The following LATS1 variants were observed in gnomAD, a reference collection of about 807,000 sequenced individuals.
LATS1 encodes the protein serine/threonine-protein kinase LATS1.
Under a neutral mutation model 106.6 loss-of-function variants are expected in LATS1, and 25 were observed. That is an observed-to-expected ratio of 0.23 (90% CI 0.17 to 0.33). The LOEUF (loss-of-function observed/expected upper bound fraction) is 0.33. Among genes scored for constraint, LATS1 ranks in the 10% least tolerant of loss-of-function variants. The probability of loss-of-function intolerance (pLI) is 1.00; values close to 1 mark genes in which losing one functional copy is unlikely to be tolerated. For missense variants in LATS1, 1,040 were observed against 1,382.6 expected (o/e 0.75, Z 3.93); for synonymous variants, 465 against 455.6 (o/e 1.02, Z -0.26).
chr6:149,701,818 T>C lies in LATS1; in HGVS notation c.309A>G (p.Pro103=). The change falls in exon 2 of 8, where the codon CCA becomes CCG. Residue 103 remains proline (P), a synonymous_variant. Transcript: ENST00000543571. The part of the protein sequence containing the change: ...NSSRSTSEVN[P]QMLQDLQAAG... ...CAGCTTGCAAGTCTTGAAGCATTTG[T>C]GGATTAACTTCTGAAGTACTCCGAG... The C allele has an allele frequency of 6.2e-7, 1 of 1,613,970 alleles. No homozygotes were observed. Among genetic ancestry groups the C allele is most frequent in the Non-Finnish European group, 8.5e-7 (1 of 1,179,912 alleles).
chr6:149,679,746 T>C (rs1216526685), intron 5 of LATS1, 129 bp downstream of exon 5: 1 of 649,912 alleles, frequency 1.5e-6, no homozygotes, highest in Non-Finnish European at 2.6e-6. Flanking sequence ...CCCAAGTTTA[T>C]CCAACAGAAT....
chr6:149,698,808 C>T (rs1315350419), intron 2 of LATS1, among the ~76,000 whole-genome samples: 2 of 152,058 alleles, frequency 1.3e-5, no homozygotes, highest in South Asian at 2.1e-4. Flanking sequence ...GTGATCCACC[C>T]GCCTTGGCCT....
chr6:149,662,279 G>C, intron 7 of LATS1, 41 bp from the exon 8 acceptor site: 1 of 1,453,632 alleles, frequency 6.9e-7, no homozygotes, highest in Non-Finnish European at 9.2e-7. Flanking sequence ...AGATAAATTA[G>C]AAAAATAAAG....
At chr6:149,706,653 A>AT (rs1783789731) in intron 1 of LATS1, among the ~76,000 whole-genome samples, 2 of 152,186 alleles carry the variant, frequency 1.3e-5, no homozygotes, top group African/African-American at 4.8e-5. Flanking sequence ...CCCACATGCA[A>AT]TTACAAGTGT....
intron 5 of LATS1, among the ~76,000 whole-genome samples, chr6:149,677,435 AC>A (rs1306397541): frequency 2.0e-5 from 3 of 152,256 alleles, no homozygotes; most frequent in Non-Finnish European, 4.4e-5. Context: ...CGGCAGGAAT[AC>A]ATGTGGGTTT....
At chr6:149,697,264 C>T in intron 2 of LATS1, 1 of 626,886 alleles carries the variant, frequency 1.6e-6, no homozygotes, top group South Asian at 1.5e-5. Flanking sequence ...TACCTAAGGT[C>T]ATTTCTCCCT....
In LATS1 at chr6:149,702,054, C is replaced by T. The variant is rs541940327; in HGVS notation, c.73G>A (p.Val25Ile). Residue 25 changes from valine to isoleucine, a missense_variant, in exon 2 of 8, where the codon GTC becomes ATC. Around this residue, in one of 7 missense-constraint regions of LATS1, gnomAD observed 624 missense variants for 714.8 expected, o/e 0.87. Transcript: ENST00000543571. The stretch of plus-strand genomic sequence containing the variant: ...TCTTGTAACATTTGCCGGCTACTGA[C>T]AGTATAGTTACTGGCAGGAAAGGTC... ...PKTFPASNYT[V>I]SSRQMLQEIR... 6.2e-7 allele frequency: 1 copy of T among 1,614,122 alleles called. No homozygotes were observed. The highest frequency in any genetic ancestry group is 1.3e-5 in the African/African-American group (1 of 75,032).
chr6:149,668,635 T>C (rs35830138), intron 7 of LATS1, among the ~76,000 whole-genome samples: 67,095 of 150,034 alleles, frequency 0.45, 16,189 homozygotes, highest in East Asian at 0.81. Context: ...GTAGAGACAC[T>C]GTCTATGATT....
chr6:149,715,037 T>C (rs1400618239), intron 1 of LATS1, among the ~76,000 whole-genome samples: 2 of 152,208 alleles, frequency 1.3e-5, no homozygotes, highest in East Asian at 1.9e-4. Context: ...ATCATGTAGA[T>C]GTACTATTTT....
intron 1 of LATS1, among the ~76,000 whole-genome samples, chr6:149,712,825 C>G (rs1410196190): frequency 6.6e-6 from 1 of 152,070 alleles, no homozygotes; most frequent in Non-Finnish European, 1.5e-5. Context: ...GAGACCCTAA[C>G]TCTACAAAAA....
intron 1 of LATS1, among the ~76,000 whole-genome samples, chr6:149,710,670 G>A (rs993618449): frequency 4.6e-5 from 7 of 152,172 alleles, no homozygotes; most frequent in African/African-American, 1.4e-4. Flanking sequence ...AAAGATGGAG[G>A]ATCATGTTTT....
At chr6:149,704,067 G>A (rs1389411776) in intron 1 of LATS1, among the ~76,000 whole-genome samples, 1 of 152,146 alleles carries the variant, frequency 6.6e-6, no homozygotes, top group Non-Finnish European at 1.5e-5. Flanking sequence ...GCAATGGCAC[G>A]ATCTTGGCTC....
At chr6:149,673,558 C>T (rs1781555070) in intron 7 of LATS1, among the ~76,000 whole-genome samples, 1 of 151,666 alleles carries the variant, frequency 6.6e-6, no homozygotes, top group African/African-American at 2.4e-5. Flanking sequence ...CAAATGAAGA[C>T]AAAATAAAGA....
At chr6:149,700,593 T>C (rs1053021989) in intron 2 of LATS1, among the ~76,000 whole-genome samples, 8 of 152,072 alleles carry the variant, frequency 5.3e-5, no homozygotes, top group African/African-American at 1.9e-4. Flanking sequence ...CAGATATATA[T>C]GGAAATTCGG....
At chr6:149,688,843 T>C (rs1340732637) in intron 3 of LATS1, among the ~76,000 whole-genome samples, 1 of 152,038 alleles carries the variant, frequency 6.6e-6, no homozygotes, top group Non-Finnish European at 1.5e-5. Flanking sequence ...TAGAAAGGGA[T>C]AAGGGCTCCT....
intron 7 of LATS1, among the ~76,000 whole-genome samples, chr6:149,666,310 A>G (rs890059130): frequency 1.3e-5 from 2 of 152,158 alleles, no homozygotes; most frequent in African/African-American, 4.8e-5. Context: ...GAATTTTCTG[A>G]CAAAAACTTG....
At chr6:149,685,464 C>T (rs1782319566) in intron 3 of LATS1, among the ~76,000 whole-genome samples, 1 of 152,108 alleles carries the variant, frequency 6.6e-6, no homozygotes, top group Admixed American at 6.6e-5. Flanking sequence ...AGACTCACTG[C>T]AACCTCCGTC....
rs1391667271 is a variant in LATS1, at chr6:149,702,002, G to C, written c.125C>G (p.Ser42Cys). The C allele has an allele frequency of 2.0e-5, 32 of 1,614,002 alleles. No homozygotes were observed. Among genetic ancestry groups the C allele is most frequent in the Non-Finnish European group, 2.7e-5 (32 of 1,179,982 alleles). ...AGCCTTAGCAGCATCAGATGGTTTA[G>C]ATAAATTCCTAAGGGATTCCCGAAT... Reference protein sequence around the residue: ...QEIRESLRNLSKPSDAAKAEH... With the variant: ...QEIRESLRNLCKPSDAAKAEH... The change falls in exon 2 of 8, where the codon TCT becomes TGT. Residue 42 changes from serine to cysteine, a missense_variant. This residue lies in a region of LATS1 where 624 missense variants were observed against 714.8 expected (regional missense o/e 0.87). Coordinates refer to ENST00000543571, the MANE Select transcript of LATS1 (RefSeq NM_004690.4).
At chr6:149,693,953 T>C (rs1337076298) in intron 3 of LATS1, among the ~76,000 whole-genome samples, 4 of 151,814 alleles carry the variant, frequency 2.6e-5, no homozygotes, top group Non-Finnish European at 4.4e-5. Flanking sequence ...TAGCCGGGCA[T>C]AGTGGCGGGC....
Sources: allele counts gnomAD v4.1 joint callset (sites outside exome capture counted in the v4.1 genomes callset), GRCh38; gene constraint gnomAD v4.1.1; regional missense constraint gnomAD v4.1.1; transcripts MANE v1.5; gene names NCBI Gene and HGNC (gene_info 2026-07-23, HGNC 2026-07-21).